Variants in ADAMTSL3 observed in about 807,000 individuals in gnomAD.
ADAMTSL3 encodes the protein ADAMTS-like protein 3.
ADAMTSL3 carries 128 observed loss-of-function variants against 201.7 expected under a neutral mutation model. That is an observed-to-expected ratio of 0.63 (90% CI 0.55 to 0.73). The LOEUF (loss-of-function observed/expected upper bound fraction) is 0.73, where lower values mean the gene tolerates loss of function less well. ADAMTSL3 is among the 30% of genes least tolerant of loss of function. The pLI is 0.00. For missense variants in ADAMTSL3, 1,990 were observed against 2,119.6 expected, an observed-to-expected ratio of 0.94 and a Z score of 1.20; for synonymous variants, 738 against 748.4, an observed-to-expected ratio of 0.99 and a Z score of 0.23.
intron 2 of ADAMTSL3, among the ~76,000 whole-genome samples, chr15:83,660,378 C>T (rs2061146245): frequency 6.6e-6 from 1 of 152,178 alleles, no homozygotes; most frequent in African/African-American, 2.4e-5. Context: ...AGTCCTGGGT[C>T]AGGGTTCAGG....
At chr15:83,883,949 A>G (rs1049490942) in intron 9 of ADAMTSL3, among the ~76,000 whole-genome samples, 1 of 149,226 alleles carries the variant, frequency 6.7e-6, no homozygotes, top group Non-Finnish European at 1.5e-5. Context: ...CTGGAGTGCA[A>G]TGGTGCGATC....
intron 19 of ADAMTSL3, among the ~76,000 whole-genome samples, chr15:83,954,925 T>G (rs980865153): frequency 6.6e-6 from 1 of 152,220 alleles, no homozygotes; most frequent in Admixed American, 6.5e-5. Context: ...CCACCAACAC[T>G]GGAACTGCCC....
intron 9 of ADAMTSL3, among the ~76,000 whole-genome samples, chr15:83,879,625 T>C (rs1209336542): frequency 6.6e-6 from 1 of 152,222 alleles, no homozygotes; most frequent in Admixed American, 6.5e-5. Context: ...ATTATTTCAA[T>C]ATTTCAAAAT....
At chr15:83,779,777 C>G (rs1204276632) in intron 4 of ADAMTSL3, among the ~76,000 whole-genome samples, 1 of 150,400 alleles carries the variant, frequency 6.6e-6, no homozygotes, top group Non-Finnish European at 1.5e-5. Context: ...CTAAAAAAAT[C>G]ACTTAAAACC....
chr15:83,813,469 A>C (rs1471516497), intron 5 of ADAMTSL3, among the ~76,000 whole-genome samples: 1 of 152,232 alleles, frequency 6.6e-6, no homozygotes, highest in East Asian at 1.9e-4. Flanking sequence ...TTGTTATGAA[A>C]TCTAGTTGTA....
intron 19 of ADAMTSL3, among the ~76,000 whole-genome samples, chr15:83,951,623 G>A (rs944411584): frequency 3.3e-5 from 5 of 152,132 alleles, no homozygotes; most frequent in African/African-American, 9.6e-5. Context: ...GAAACCATCA[G>A]TGAAGTCATT....
chr15:83,805,330 G>A (rs940469131), intron 5 of ADAMTSL3, among the ~76,000 whole-genome samples: 1 of 152,202 alleles, frequency 6.6e-6, no homozygotes, highest in Non-Finnish European at 1.5e-5. Flanking sequence ...GGCCAAGGCA[G>A]GCAGATCACT....
intron 13 of ADAMTSL3, among the ~76,000 whole-genome samples, chr15:83,895,229 C>G (rs1348463899): frequency 6.6e-6 from 1 of 152,178 alleles, no homozygotes; most frequent in East Asian, 1.9e-4. Flanking sequence ...AGTCCTCTTT[C>G]TATTTTGTTG....
chr15:84,037,957 T>C lies in ADAMTSL3; in HGVS notation c.*151T>C. 2 of 1,214,930 alleles carry C rather than the reference T, an allele frequency of 1.6e-6. No homozygotes were observed. Among genetic ancestry groups the C allele is most frequent in the East Asian group, 5.3e-5 (2 of 37,622 alleles). The allele number at this position is 1,214,930 out of a possible 1,614,324, so 75.3% of individuals were successfully genotyped here. A position where few individuals can be genotyped will look rare whatever the true frequency, so the allele number is the denominator to read the frequency against. On this transcript the variant is annotated 3_prime_UTR_variant, in exon 30 of 30. Coordinates refer to ENST00000286744, the MANE Select transcript of ADAMTSL3 (RefSeq NM_207517.3). ...TGATGCAAAAACACCACTGTTAAGG[T>C]GTAAAGTGAAATTTTCCAATGGTAG...
At chr15:84,031,482 G>T in intron 28 of ADAMTSL3, 50 bp downstream of exon 28, 2 of 1,521,178 alleles carry the variant, frequency 1.3e-6, no homozygotes, top group South Asian at 1.1e-5. Flanking sequence ...ACTCACTCAG[G>T]ACAATGATTA....
chr15:83,714,938 CATCCTTCT>C (rs2061996018), intron 3 of ADAMTSL3, among the ~76,000 whole-genome samples: 1 of 101,786 alleles, frequency 9.8e-6, no homozygotes, highest in Non-Finnish European at 1.9e-5. Context: ...TCCTTCCTTC[CATCCTTCT>C]TTCCTTTCTC....
chr15:83,845,654 G>A (rs1186131034), intron 7 of ADAMTSL3, among the ~76,000 whole-genome samples: 2 of 152,078 alleles, frequency 1.3e-5, no homozygotes. Context: ...ATAGATCTTA[G>A]GATTGAATGG....
At chr15:83,693,194 A>G (rs944465628) in intron 2 of ADAMTSL3, among the ~76,000 whole-genome samples, 16 of 152,192 alleles carry the variant, frequency 1.1e-4, no homozygotes, top group African/African-American at 3.6e-4. Context: ...TCATGTCTGC[A>G]TAATTAATCA....
At chr15:83,906,468 G>T (rs2065833856) in intron 15 of ADAMTSL3, among the ~76,000 whole-genome samples, 1 of 152,050 alleles carries the variant, frequency 6.6e-6, no homozygotes, top group Admixed American at 6.6e-5. Flanking sequence ...GGAAAATAAT[G>T]ATATTTATGC....
intron 7 of ADAMTSL3, among the ~76,000 whole-genome samples, chr15:83,856,534 AC>A (rs1276589728): frequency 6.6e-6 from 1 of 152,086 alleles, no homozygotes; most frequent in African/African-American, 2.4e-5. Context: ...ATACCAAAAA[AC>A]ATCTGTGAGA....
chr15:83,734,962 A>G (rs1273783948), intron 3 of ADAMTSL3, among the ~76,000 whole-genome samples: 1 of 152,128 alleles, frequency 6.6e-6, no homozygotes, highest in African/African-American at 2.4e-5. Flanking sequence ...CCGAACCTCC[A>G]ATACTAGTTT....
intron 2 of ADAMTSL3, among the ~76,000 whole-genome samples, chr15:83,675,286 C>G (rs2061387319): frequency 6.6e-6 from 1 of 152,028 alleles, no homozygotes; most frequent in Non-Finnish European, 1.5e-5. Flanking sequence ...CTAATCCATT[C>G]CCATGGGTAA....
At chr15:84,011,517 A>G (rs1313940444) in intron 23 of ADAMTSL3, among the ~76,000 whole-genome samples, 1 of 152,204 alleles carries the variant, frequency 6.6e-6, no homozygotes, top group Non-Finnish European at 1.5e-5. Flanking sequence ...TCCAAGATCA[A>G]GATGTGGTGG....
intron 2 of ADAMTSL3, among the ~76,000 whole-genome samples, chr15:83,656,635 CT>C (rs1358548683): frequency 6.6e-6 from 1 of 152,204 alleles, no homozygotes; most frequent in Non-Finnish European, 1.5e-5. Context: ...AGCCCCAGAT[CT>C]AAAGGCAGGG....
Sources: gnomAD v4.1 joint callset for allele counts (sites outside exome capture counted in the v4.1 genomes callset) on GRCh38, gnomAD v4.1.1 for gene constraint, MANE v1.5 for transcripts, NCBI Gene and HGNC (gene_info 2026-07-23, HGNC 2026-07-21) for gene names.